The following NEBL variants were observed in gnomAD, a reference collection of about 807,000 sequenced individuals.
NEBL encodes the protein nebulette, also known as LIM and SH3 protein 2.
A neutral mutation model predicts 140.2 loss-of-function variants in NEBL; 122 were observed. The observed-to-expected ratio is 0.87, with a 90% confidence interval of 0.75 to 1.01. The LOEUF (loss-of-function observed/expected upper bound fraction) is 1.01, where lower values mean the gene tolerates loss of function less well. Among genes scored for constraint, NEBL ranks in the 50% least tolerant of loss-of-function variants. The probability of loss-of-function intolerance (pLI) is 0.00; values close to 1 mark genes in which losing one functional copy is unlikely to be tolerated. For missense variants in NEBL, 1,365 were observed against 1,231.3 expected (o/e 1.11, Z -1.62); for synonymous variants, 436 against 398.9 (o/e 1.09, Z -1.11).
intron 2 of NEBL, among the ~76,000 whole-genome samples, chr10:21,248,285 G>A (rs1470706347): frequency 6.6e-6 from 1 of 151,478 alleles, no homozygotes; most frequent in Admixed American, 6.6e-5. Context: ...TGTTGCCCAG[G>A]CTGGGAAAGC....
At chr10:21,245,658 A>G (rs1842507408) in intron 3 of NEBL, among the ~76,000 whole-genome samples, 3 of 151,946 alleles carry the variant, frequency 2.0e-5, no homozygotes, top group African/African-American at 7.3e-5. Flanking sequence ...CAGCCTCCCA[A>G]GTAGCTGGAA....
chr10:21,129,907 CT>C (rs1839021229), intron 2 of NEBL, among the ~76,000 whole-genome samples: 1 of 152,040 alleles, frequency 6.6e-6, no homozygotes, highest in South Asian at 2.1e-4. Context: ...TCAATAATCA[CT>C]TTGAACATCA....
At chr10:20,839,401 C>T (rs992718182) in intron 13 of NEBL, among the ~76,000 whole-genome samples, 7 of 152,074 alleles carry the variant, frequency 4.6e-5, no homozygotes, top group African/African-American at 9.7e-5. Context: ...ACCAGGGGCA[C>T]GTGTTGTTTA....
intron 2 of NEBL, among the ~76,000 whole-genome samples, chr10:21,038,643 G>C (rs940810014): frequency 6.6e-6 from 1 of 152,150 alleles, no homozygotes; most frequent in South Asian, 2.1e-4. Flanking sequence ...CCAAGTCTTT[G>C]CTATTGTAAA....
intron 8 of NEBL, among the ~76,000 whole-genome samples, chr10:20,859,496 G>A (rs1843437779): frequency 6.6e-6 from 1 of 151,810 alleles, no homozygotes; most frequent in Non-Finnish European, 1.5e-5. Context: ...AACTTCATTT[G>A]CAACACTATT....
chr10:21,076,176 C>G (rs1836065802), intron 2 of NEBL, among the ~76,000 whole-genome samples: 1 of 152,128 alleles, frequency 6.6e-6, no homozygotes, highest in African/African-American at 2.4e-5. Flanking sequence ...GGCACGGTGG[C>G]TTACACCTGT....
rs11396394 is a variant in NEBL at position 21,275,637 on chromosome 10, C to CTT, written n.182+17191_182+17192dup. The stretch of plus-strand genomic sequence containing the variant: ...TAACATAGACTCATCACATTACCAG[C>CTT]TTTTTTTTTTTTTTTTTTTTGAGAC... On this transcript the variant is annotated intron_variant and non_coding_transcript_variant, in intron 1 of 8. Coordinates refer to the NEBL transcript ENST00000675702. Among the ~76,000 whole-genome samples the CTT allele has an allele frequency of 1.4e-3, 172 of 119,504 alleles. 1 individual carries two copies. The highest frequency in any genetic ancestry group is 2.1e-3 in the African/African-American group (64 of 29,840). 78.4% of individuals were successfully genotyped at this position (119,504 alleles called of 152,430 possible). A position where few individuals can be genotyped will look rare whatever the true frequency, so the allele number is the denominator to read the frequency against.
chr10:20,821,529 T>G (rs1453079790), intron 19 of NEBL, among the ~76,000 whole-genome samples: 1 of 152,212 alleles, frequency 6.6e-6, no homozygotes, highest in African/African-American at 2.4e-5. Flanking sequence ...GTTATACTTT[T>G]TCATTAAATT....
At chr10:20,809,276 C>G (rs1029674938) in intron 25 of NEBL, among the ~76,000 whole-genome samples, 1 of 152,042 alleles carries the variant, frequency 6.6e-6, no homozygotes, top group African/African-American at 2.4e-5. Flanking sequence ...CATTTTTTTG[C>G]CTTTAATTAT....
intron 2 of NEBL, chr10:21,126,162 G>GT (rs774719212): frequency 3.9e-5 from 62 of 1,580,022 alleles, no homozygotes; most frequent in Non-Finnish European, 5.2e-5. Flanking sequence ...TTCAAGCCTG[G>GT]TACCCCCCAT....
intron 4 of NEBL, among the ~76,000 whole-genome samples, chr10:20,949,991 A>T (rs557657896): frequency 1.3e-5 from 2 of 152,268 alleles, no homozygotes; most frequent in South Asian, 2.1e-4. Context: ...AAATAGTATG[A>T]CTCGTGTTCA....
rs867425462 is a variant in NEBL at position 20,939,341 on chromosome 10, T to A, written c.357+22331A>T. ...TTCATATCCAGCCAAACTAAGCTTC[T>A]TAAGTGAAGGAGAAATAAAATACTT... On this transcript the variant is annotated intron_variant, in intron 4 of 6. Coordinates refer to the NEBL transcript ENST00000417816. Among the ~76,000 whole-genome samples the A allele has an allele frequency of 3.9e-5, 6 of 152,006 alleles. No individual in the cohort carries two copies. In the East Asian group the frequency reaches 7.7e-4, roughly 20 times the overall value.
intron 7 of NEBL, among the ~76,000 whole-genome samples, chr10:20,861,876 G>GT (rs1298192601): frequency 6.6e-6 from 1 of 152,056 alleles, no homozygotes; most frequent in Admixed American, 6.6e-5. Flanking sequence ...TAAACCCACC[G>GT]TAAGTTAAAA....
At position 20,815,640 on chromosome 10, in the gene NEBL, T is replaced by C; in HGVS notation, c.2226A>G (p.Gln742=). The C allele has an allele frequency of 2.5e-6, 4 of 1,609,908 alleles. No homozygotes were observed. The highest frequency in any genetic ancestry group is 3.4e-6 in the Non-Finnish European group (4 of 1,176,264). The change falls in exon 22 of 28, where the codon CAA becomes CAG. Residue 742 remains glutamine, a synonymous_variant. Transcript: ENST00000377122. The part of the protein sequence containing the change: ...TPEMERVKKN[Q]ENISSVKYTQ... Reference sequence around the variant, plus strand: ...AACCACTTGCCGAGCTAATATTTTCTTGATTCTTCTTCACTCTTTCCATTT... The same window carrying C: ...AACCACTTGCCGAGCTAATATTTTCCTGATTCTTCTTCACTCTTTCCATTT...
chr10:20,906,424 A>G (rs1208885044), intron 4 of NEBL, among the ~76,000 whole-genome samples: 1 of 152,180 alleles, frequency 6.6e-6, no homozygotes, highest in East Asian at 1.9e-4. Flanking sequence ...TATGAGCCTT[A>G]TTCCAATTAT....
chr10:21,249,074 G>A (rs955910610), intron 2 of NEBL, among the ~76,000 whole-genome samples: 22 of 151,862 alleles, frequency 1.4e-4, no homozygotes, highest in Admixed American at 3.9e-4. Context: ...TATCACCCAG[G>A]CTGGAGTGCA....
chr10:21,210,369 G>T (rs573891843), intron 3 of NEBL, among the ~76,000 whole-genome samples: 1 of 152,218 alleles, frequency 6.6e-6, no homozygotes, highest in African/African-American at 2.4e-5. Flanking sequence ...ACTCCAGCCT[G>T]GGTGACAAGC....
Position 20,858,336 on chromosome 10 carries a change from G to T in NEBL, c.807C>A (p.Tyr269Ter). The T allele has an allele frequency of 6.3e-7, 1 of 1,594,888 alleles. No homozygotes were observed. Among genetic ancestry groups the T allele is most frequent in the Non-Finnish European group, 8.6e-7 (1 of 1,162,482 alleles). Residue 269 changes from tyrosine (Y) to a stop codon, truncating the protein, a stop_gained, in exon 9 of 28, where the codon TAC becomes TAA. Coordinates refer to ENST00000377122, the MANE Select transcript of NEBL (RefSeq NM_006393.3). LOFTEE classifies it high-confidence loss of function. ...LAATLASNVK[Y>*]KKDIQNMHDP... ...CATGCATATTTTGAATGTCTTTCTTGTACTTCACCTATGAAAATAACATGG... is the reference window on the plus strand; with the variant it reads ...CATGCATATTTTGAATGTCTTTCTTTTACTTCACCTATGAAAATAACATGG...
chr10:21,230,053 G>T (rs957145006), intron 3 of NEBL, among the ~76,000 whole-genome samples: 5 of 152,080 alleles, frequency 3.3e-5, no homozygotes, highest in African/African-American at 9.7e-5. Context: ...TCCATCTCTT[G>T]GGTTAGAGAT....
Sources: gnomAD v4.1 joint callset for allele counts (sites outside exome capture counted in the v4.1 genomes callset) on GRCh38, gnomAD v4.1.1 for gene constraint, MANE v1.5 for transcripts, NCBI Gene and HGNC (gene_info 2026-07-23, HGNC 2026-07-21) for gene names.